TEKTL1: variants seen among roughly 807,000 people sequenced by gnomAD.
The protein encoded by TEKTL1 is tektin-like protein 1.
At chr19:15,015,632 C>T in the TEKTL1 span, among the ~76,000 whole-genome samples, 1 of 152,048 alleles carries the variant, frequency 6.6e-6, no homozygotes, top group East Asian at 1.9e-4. Context: ...GGGTACAGAT[C>T]TGTTGGGATG....
chr19:15,021,333 C>G, the TEKTL1 span: 73 of 1,610,952 alleles, frequency 4.5e-5, no homozygotes, highest in African/African-American at 6.4e-4. Flanking sequence ...CACCCCCACG[C>G]GCATCCTGGG....
chr19:15,016,395 C>T, the TEKTL1 span, among the ~76,000 whole-genome samples: 2 of 140,830 alleles, frequency 1.4e-5, no homozygotes, highest in African/African-American at 5.4e-5. Context: ...TCACCATGTG[C>T]GCCAGGCTGG....
chr19:15,011,242 C>T, the TEKTL1 span: 11 of 1,496,596 alleles, frequency 7.4e-6, no homozygotes, highest in Admixed American at 7.3e-5. Context: ...CCGCCGCCCG[C>T]CTCGGCCGCG....
the TEKTL1 span, among the ~76,000 whole-genome samples, chr19:15,017,807 C>T: frequency 6.6e-6 from 1 of 152,242 alleles, no homozygotes; most frequent in East Asian, 1.9e-4. Flanking sequence ...CACCCCACCC[C>T]CAAAGAGTCA....
chr19:15,016,992 A>G, the TEKTL1 span, among the ~76,000 whole-genome samples: 1 of 152,204 alleles, frequency 6.6e-6, no homozygotes, highest in Non-Finnish European at 1.5e-5. Context: ...GAGTTGCTTG[A>G]GGCCAGGAGT....
chr19:15,022,025 C>A, the TEKTL1 span: 1 of 891,016 alleles, frequency 1.1e-6, no homozygotes, highest in Non-Finnish European at 1.7e-6. Context: ...CCCAAGTCGG[C>A]CTGTCCTTCA....
the TEKTL1 span, among the ~76,000 whole-genome samples, chr19:15,017,173 G>C: frequency 6.6e-6 from 1 of 152,026 alleles, no homozygotes; most frequent in Non-Finnish European, 1.5e-5. Context: ...AGTGAGCCAG[G>C]ATCATGCCAC....
At chr19:15,016,853 T>C in the TEKTL1 span, among the ~76,000 whole-genome samples, 2 of 152,106 alleles carry the variant, frequency 1.3e-5, no homozygotes, top group African/African-American at 4.8e-5. Flanking sequence ...TTCAATAAAA[T>C]TTTACTTACA....
At chr19:15,016,088 G>A in the TEKTL1 span, among the ~76,000 whole-genome samples, 1 of 151,932 alleles carries the variant, frequency 6.6e-6, no homozygotes, top group Admixed American at 6.6e-5. Flanking sequence ...GGGAGGAGGG[G>A]AGAAGAAGGG....
chr19:15,020,436 G>C, the TEKTL1 span: 5 of 1,605,532 alleles, frequency 3.1e-6, no homozygotes, highest in Non-Finnish European at 3.4e-6. Flanking sequence ...TTCTCACTCT[G>C]TCTTCTCCTC....
chr19:15,017,924 G>A, the TEKTL1 span, among the ~76,000 whole-genome samples: 1 of 152,216 alleles, frequency 6.6e-6, no homozygotes, highest in Admixed American at 6.5e-5. Context: ...GCCGGGTGTG[G>A]TGGCTCACAC....
At chr19:15,015,499 C>A in the TEKTL1 span, among the ~76,000 whole-genome samples, 1 of 151,926 alleles carries the variant, frequency 6.6e-6, no homozygotes, top group African/African-American at 2.4e-5. Flanking sequence ...CAAAGGGAAC[C>A]TCTCTCATTT....
At chr19:15,020,455 AC>A in the TEKTL1 span, 1 of 1,610,576 alleles carries the variant, frequency 6.2e-7, no homozygotes, top group Middle Eastern at 2.1e-4. Context: ...TCCCCTCCCC[AC>A]CCAGACCCTG....
chr19:15,022,963 C>A, the TEKTL1 span: 15 of 1,613,286 alleles, frequency 9.3e-6, no homozygotes, highest in African/African-American at 2.7e-5. Flanking sequence ...GGGGCCTCAA[C>A]TGCAAGAACA....
At chr19:15,018,732 A>ATATATATATATATATATATATT in the TEKTL1 span, among the ~76,000 whole-genome samples, 236 of 78,612 alleles carry the variant, frequency 3.0e-3, 40 homozygotes, top group Middle Eastern at 7.0e-3. Context: ...ATATATATAT[A>ATATATATATATATATATATATT]ACTTCCCTGG....
chr19:15,019,366 G>A, the TEKTL1 span, among the ~76,000 whole-genome samples: 1 of 152,120 alleles, frequency 6.6e-6, no homozygotes. Flanking sequence ...AAATTAAGTG[G>A]AAAAGAATAC....
At chr19:15,022,734 T>G in the TEKTL1 span, 10 of 892,848 alleles carry the variant, frequency 1.1e-5, no homozygotes, top group South Asian at 1.9e-4. Context: ...TTTTTTTTTT[T>G]CCAGGCACAC....
the TEKTL1 span, chr19:15,011,201 G>T: frequency 4.1e-6 from 6 of 1,475,444 alleles, no homozygotes; most frequent in African/African-American, 8.8e-5. Flanking sequence ...CACCGAGGTG[G>T]TGCACGCGCA....
chr19:15,011,363 A>G, the TEKTL1 span: 1 of 1,451,412 alleles, frequency 6.9e-7, no homozygotes, highest in Non-Finnish European at 9.0e-7. Context: ...GCAGAGCGTC[A>G]AGCTGCGGGG....
Sources: gnomAD v4.1 joint callset for allele counts (sites outside exome capture counted in the v4.1 genomes callset) on GRCh38, gnomAD v4.1.1 for gene constraint, MANE v1.5 for transcripts, NCBI Gene and HGNC (gene_info 2026-07-23, HGNC 2026-07-21) for gene names.